Variants in DIAPH3 observed in about 807,000 individuals in gnomAD.
The protein encoded by DIAPH3 is diaphanous related formin 3.
A neutral mutation model predicts 144.3 loss-of-function variants in DIAPH3; 117 were observed. That is an observed-to-expected ratio of 0.81 (90% CI 0.70 to 0.95). The LOEUF (loss-of-function observed/expected upper bound fraction) is 0.95. Among genes scored for constraint, DIAPH3 ranks in the 40% least tolerant of loss-of-function variants. DIAPH3 has a pLI of 0.00. For synonymous variants in DIAPH3, 519 were observed against 488.9 expected (o/e 1.06, Z -0.81); for missense variants, 1,421 against 1,412.7 (o/e 1.01, Z -0.09).
At chr13:59,731,696 G>C (rs1034794212) in intron 27 of DIAPH3, among the ~76,000 whole-genome samples, 2 of 152,132 alleles carry the variant, frequency 1.3e-5, no homozygotes, top group Non-Finnish European at 2.9e-5. Context: ...CATATTCAAA[G>C]ATCATACGAG....
intron 25 of DIAPH3, among the ~76,000 whole-genome samples, chr13:59,783,724 G>A (rs556554376): frequency 3.9e-4 from 60 of 152,252 alleles, no homozygotes; most frequent in Non-Finnish European, 6.8e-4. Context: ...AAGAAGAACA[G>A]CACCTATTTC....
chr13:59,795,604 C>T (rs2039556233), intron 25 of DIAPH3, among the ~76,000 whole-genome samples: 1 of 152,020 alleles, frequency 6.6e-6, no homozygotes. Context: ...CAGGTGGCCG[C>T]CACCATTCCA....
At chr13:59,694,966 C>T (rs1245001927) in intron 27 of DIAPH3, among the ~76,000 whole-genome samples, 1 of 152,138 alleles carries the variant, frequency 6.6e-6, no homozygotes, top group East Asian at 1.9e-4. Flanking sequence ...GTAAAACCCT[C>T]ATGTAAAATT....
At chr13:60,153,531 C>G (rs1225545322) in intron 1 of DIAPH3, 1 of 152,088 alleles carries the variant, frequency 6.6e-6, no homozygotes, top group Non-Finnish European at 1.5e-5. Flanking sequence ...TCTTCCTCAG[C>G]CTCTGGGATT....
At chr13:59,985,548 C>T (rs1415071454) in intron 12 of DIAPH3, among the ~76,000 whole-genome samples, 2 of 66,720 alleles carry the variant, frequency 3.0e-5, no homozygotes, top group African/African-American at 1.3e-4. Flanking sequence ...TGTGTGCAGA[C>T]GACATGATTG....
chr13:60,117,039 T>C (rs1472637535), intron 2 of DIAPH3, among the ~76,000 whole-genome samples: 3 of 151,850 alleles, frequency 2.0e-5, no homozygotes. Flanking sequence ...AGCTCAAAAA[T>C]AGGACAAAGG....
intron 14 of DIAPH3, among the ~76,000 whole-genome samples, chr13:59,975,575 A>G (rs2050632326): frequency 6.6e-6 from 1 of 152,000 alleles, no homozygotes; most frequent in African/African-American, 2.4e-5. Context: ...TGAGCAGAAA[A>G]TAGAGATTTT....
chr13:59,882,475 G>T (rs2045130289), intron 20 of DIAPH3, among the ~76,000 whole-genome samples: 1 of 152,150 alleles, frequency 6.6e-6, no homozygotes, highest in African/African-American at 2.4e-5. Flanking sequence ...ATATGTATAT[G>T]TAAAAAGCCC....
intron 27 of DIAPH3, among the ~76,000 whole-genome samples, chr13:59,755,880 C>G (rs1046444332): frequency 1.3e-5 from 2 of 152,258 alleles, no homozygotes; most frequent in Middle Eastern, 3.4e-3. Context: ...ATATCCTGTA[C>G]AGCCATATAA....
At chr13:59,957,028 A>G (rs1330919103) in intron 17 of DIAPH3, among the ~76,000 whole-genome samples, 1 of 152,158 alleles carries the variant, frequency 6.6e-6, no homozygotes, top group Non-Finnish European at 1.5e-5. Context: ...TCTAGGAAGT[A>G]ACTAACTTGC....
At chr13:59,817,290 G>C (rs2040829731) in intron 24 of DIAPH3, among the ~76,000 whole-genome samples, 1 of 151,752 alleles carries the variant, frequency 6.6e-6, no homozygotes, top group Admixed American at 6.6e-5. Context: ...AAAGAACTTT[G>C]TTGACATTTC....
At chr13:59,897,811 T>C (rs1269455170) in intron 20 of DIAPH3, among the ~76,000 whole-genome samples, 1 of 147,182 alleles carries the variant, frequency 6.8e-6, no homozygotes, top group Non-Finnish European at 1.5e-5. Flanking sequence ...TCACAATAGA[T>C]GAGAAGAAAA....
In DIAPH3 at chr13:59,958,962, G is replaced by A. The variant is rs761521593; in HGVS notation, c.2074+10982C>T. Among the ~76,000 whole-genome samples, 7 of 136,608 alleles carry A rather than the reference G, an allele frequency of 5.1e-5. No homozygotes were observed. In the South Asian group the frequency reaches 7.3e-4, roughly 14 times the overall value. 89.6% of individuals were successfully genotyped at this position (136,608 alleles called of 152,430 possible). ...ACGATCTCGGCTCACTGCAACCTCC[G>A]CCTCCCGGGTTCAAGCGATTATCCT... On this transcript the variant is annotated intron_variant, in intron 17 of 27. Transcript: ENST00000400324.
intron 17 of DIAPH3, among the ~76,000 whole-genome samples, chr13:59,943,342 C>T (rs1383751676): frequency 3.3e-5 from 5 of 152,158 alleles, no homozygotes; most frequent in Non-Finnish European, 7.4e-5. Flanking sequence ...GACAAGAAAT[C>T]GGCTTCCTGC....
At chr13:59,854,579 A>T (rs968273608) in intron 22 of DIAPH3, among the ~76,000 whole-genome samples, 6 of 152,114 alleles carry the variant, frequency 3.9e-5, no homozygotes, top group Non-Finnish European at 5.9e-5. Context: ...CAGATTTGTT[A>T]TGTTAAACTG....
chr13:60,044,499 ATCAT>A (rs1481597108), intron 4 of DIAPH3: 2 of 152,202 alleles, frequency 1.3e-5, no homozygotes, highest in Non-Finnish European at 2.9e-5. Flanking sequence ...AGTCACTGAT[ATCAT>A]TCAAAGAACA....
chr13:59,848,301 T>A (rs1593662964), intron 22 of DIAPH3, among the ~76,000 whole-genome samples: 2 of 136,152 alleles, frequency 1.5e-5, no homozygotes, highest in African/African-American at 5.1e-5. Flanking sequence ...CAGAGTAAAG[T>A]CAAATCTTTT....
At chr13:59,782,882 G>A (rs984131987) in intron 25 of DIAPH3, among the ~76,000 whole-genome samples, 6 of 152,138 alleles carry the variant, frequency 3.9e-5, no homozygotes, top group African/African-American at 1.4e-4. Flanking sequence ...ACAAGGCAGG[G>A]ATTCTTGAAG....
chr13:60,145,020 T>G (rs906346739), intron 1 of DIAPH3, among the ~76,000 whole-genome samples: 2 of 152,184 alleles, frequency 1.3e-5, no homozygotes, highest in African/African-American at 4.8e-5. Context: ...GCCCACCTTA[T>G]CACTACTACT....
Sources: gnomAD v4.1 joint callset for allele counts (sites outside exome capture counted in the v4.1 genomes callset) on GRCh38, gnomAD v4.1.1 for gene constraint, MANE v1.5 for transcripts, NCBI Gene and HGNC (gene_info 2026-07-23, HGNC 2026-07-21) for gene names.